SYT16: variants seen among roughly 807,000 people sequenced by gnomAD.
The protein encoded by SYT16 is synaptotagmin 16, also known as synaptotagmin-16.
Under a neutral mutation model 61.4 loss-of-function variants are expected in SYT16, and 42 were observed. That is an observed-to-expected ratio of 0.68 (90% CI 0.53 to 0.89). SYT16 has a LOEUF of 0.89. SYT16 is among the 40% of genes least tolerant of loss of function. SYT16 has a pLI of 0.00. For synonymous variants in SYT16, 314 were observed against 302.3 expected (o/e 1.04, Z -0.40); for missense variants, 804 against 807.3 (o/e 1.00, Z 0.05).
At chr14:62,044,442 C>G (rs2054879076) in intron 3 of SYT16, among the ~76,000 whole-genome samples, 1 of 152,002 alleles carries the variant, frequency 6.6e-6, no homozygotes, top group Non-Finnish European at 1.5e-5. Flanking sequence ...CTAATGTTCT[C>G]CCTCCCCTTG....
At chr14:61,942,538 T>A (rs1334769645) in intron 1 of SYT16, among the ~76,000 whole-genome samples, 1 of 152,208 alleles carries the variant, frequency 6.6e-6, no homozygotes, top group African/African-American at 2.4e-5. Context: ...ATATATTTCT[T>A]CTTCTGTTTT....
chr14:62,087,294 C>T (rs117444811), intron 7 of SYT16, among the ~76,000 whole-genome samples: 1,635 of 152,288 alleles, frequency 0.011, 14 homozygotes, highest in Non-Finnish European at 0.019. Flanking sequence ...AAGGCGGAGG[C>T]CGCATGCCAA....
At chr14:61,916,830 A>C (rs971021014) in intron 1 of SYT16, among the ~76,000 whole-genome samples, 2 of 152,150 alleles carry the variant, frequency 1.3e-5, no homozygotes, top group African/African-American at 4.8e-5. Context: ...CATATAAGTA[A>C]GAACATGAGA....
intron 2 of SYT16, among the ~76,000 whole-genome samples, chr14:61,975,149 TTAGA>T (rs2051732086): frequency 1.3e-5 from 2 of 152,222 alleles, no homozygotes; most frequent in African/African-American, 2.4e-5. Flanking sequence ...ATTGAGAATA[TTAGA>T]TAAAGACAAA....
intron 3 of SYT16, among the ~76,000 whole-genome samples, chr14:62,025,850 G>A (rs925778466): frequency 6.6e-6 from 1 of 151,364 alleles, no homozygotes; most frequent in South Asian, 2.1e-4. Flanking sequence ...CTTGTACTCT[G>A]CACCCTTGCC....
intron 4 of SYT16, among the ~76,000 whole-genome samples, chr14:62,073,617 C>G (rs891276809): frequency 6.6e-6 from 1 of 152,138 alleles, no homozygotes; most frequent in Non-Finnish European, 1.5e-5. Context: ...TTCTCAATGG[C>G]CTGCTGTGAT....
chr14:61,965,381 G>A (rs2051274671), intron 1 of SYT16, among the ~76,000 whole-genome samples: 1 of 152,168 alleles, frequency 6.6e-6, no homozygotes, highest in African/African-American at 2.4e-5. Context: ...CACAGAAAAA[G>A]ATGAAATTGA....
intron 2 of SYT16, among the ~76,000 whole-genome samples, chr14:61,972,994 A>T (rs1388673466): frequency 6.6e-6 from 1 of 152,202 alleles, no homozygotes; most frequent in African/African-American, 2.4e-5. Flanking sequence ...TAAAAATGCG[A>T]CCATCCTACT....
chr14:61,932,659 G>C (rs1432329719), intron 1 of SYT16, among the ~76,000 whole-genome samples: 1 of 152,194 alleles, frequency 6.6e-6, no homozygotes. Context: ...TGAGATTTGG[G>C]TGGGGACACA....
chr14:61,948,912 G>A (rs1303177741), intron 1 of SYT16, among the ~76,000 whole-genome samples: 1 of 152,116 alleles, frequency 6.6e-6, no homozygotes, highest in Non-Finnish European at 1.5e-5. Context: ...TGTGCAATGT[G>A]GGTTCTAGCT....
chr14:62,029,662 T>G (rs2054236707), intron 3 of SYT16, among the ~76,000 whole-genome samples: 1 of 152,092 alleles, frequency 6.6e-6, no homozygotes, highest in Non-Finnish European at 1.5e-5. Flanking sequence ...TGCCCTAAAT[T>G]CATAACAGGT....
chr14:62,087,904 T>C (rs1025417583), intron 7 of SYT16, among the ~76,000 whole-genome samples: 3 of 152,020 alleles, frequency 2.0e-5, no homozygotes, highest in African/African-American at 7.2e-5. Context: ...ATAATAGAAA[T>C]GTGAGTCTCT....
intron 1 of SYT16, among the ~76,000 whole-genome samples, chr14:61,868,030 C>T (rs1252603559): frequency 6.6e-6 from 1 of 151,826 alleles, no homozygotes; most frequent in Non-Finnish European, 1.5e-5. Flanking sequence ...TATGTATTAC[C>T]TCTTTTAGGT....
intron 2 of SYT16, among the ~76,000 whole-genome samples, chr14:61,987,325 C>T (rs1249334969): frequency 2.6e-5 from 4 of 152,072 alleles, no homozygotes; most frequent in Non-Finnish European, 4.4e-5. Context: ...CCTTCTGAGT[C>T]TTGTGAATTT....
chr14:61,923,448 T>C lies in SYT16; in HGVS notation c.-324-46684T>C, dbSNP rs191996637. Among the ~76,000 whole-genome samples the C allele has an allele frequency of 3.0e-4, 45 of 152,308 alleles. No individual in the cohort carries two copies. In the East Asian group the frequency reaches 7.9e-3, roughly 27 times the overall value. On this transcript the variant is annotated intron_variant, in intron 1 of 7. Transcript: ENST00000683842. Reference sequence around the variant, plus strand: ...ATTGTATTGATTTCTACTGCTTGGTTTATTACAGAATCAAGCAACCATTCC... The same window carrying C: ...ATTGTATTGATTTCTACTGCTTGGTCTATTACAGAATCAAGCAACCATTCC...
intron 3 of SYT16, among the ~76,000 whole-genome samples, chr14:62,009,524 G>T (rs1207361851): frequency 6.6e-6 from 1 of 152,170 alleles, no homozygotes; most frequent in Non-Finnish European, 1.5e-5. Context: ...CTATCTCTCA[G>T]CTCAAATCCA....
At chr14:61,824,580 C>G (rs1195798149) in intron 1 of SYT16, among the ~76,000 whole-genome samples, 2 of 152,150 alleles carry the variant, frequency 1.3e-5, no homozygotes, top group Non-Finnish European at 1.5e-5. Flanking sequence ...TCTCAATCTC[C>G]TGACCTCATG....
Position 62,084,329 on chromosome 14 carries a change from C to A in SYT16, c.1568C>A (p.Ser523Tyr). ...TACAATGCCACAACGGGGCGATTAT[C>A]TGTGGAAATGATCAAAGGCAGCCAT... ...LSYNATTGRL[S>Y]VEMIKGSHFR... is the part of the protein sequence containing the mutation. The change falls in exon 7 of 8, where the codon TCT becomes TAT. Residue 523 changes from serine (S) to tyrosine (Y), a missense_variant. By Grantham distance (144) the Ser-to-Tyr change is moderately radical (BLOSUM62 -2). Transcript: ENST00000683842. The A allele has an allele frequency of 3.7e-6, 6 of 1,613,516 alleles. No homozygotes were observed. The highest frequency in any genetic ancestry group is 5.1e-6 in the Non-Finnish European group (6 of 1,179,820).
At chr14:62,020,041 G>C (rs2053852151) in intron 3 of SYT16, among the ~76,000 whole-genome samples, 1 of 152,136 alleles carries the variant, frequency 6.6e-6, no homozygotes, top group African/African-American at 2.4e-5. Context: ...GTTAGAGATA[G>C]GTTTAAATTC....
Sources: allele counts gnomAD v4.1 joint callset (sites outside exome capture counted in the v4.1 genomes callset), GRCh38; gene constraint gnomAD v4.1.1; transcripts MANE v1.5; gene names NCBI Gene and HGNC (gene_info 2026-07-23, HGNC 2026-07-21).